BCAR3: variants seen among roughly 807,000 people sequenced by gnomAD.
BCAR3 encodes BCAR3 adaptor protein, NSP family member.
Under a neutral mutation model 80.1 loss-of-function variants are expected in BCAR3, and 37 were observed. The observed-to-expected ratio is 0.46, with a 90% CI of 0.36 to 0.61. The LOEUF is 0.61. Among genes scored for constraint, BCAR3 ranks in the 20% least tolerant of loss-of-function variants. The pLI is 0.00. For missense variants in BCAR3, 978 were observed against 1,068.2 expected (o/e 0.92, Z 1.18); for synonymous variants, 389 against 418.9 (o/e 0.93, Z 0.87).
chr1:93,843,168 T>C (rs1655023335), intron 2 of BCAR3, among the ~76,000 whole-genome samples: 2 of 152,142 alleles, frequency 1.3e-5, no homozygotes, highest in South Asian at 4.1e-4. Context: ...CTAAGAACTG[T>C]GAGGAATTGA....
intron 2 of BCAR3, among the ~76,000 whole-genome samples, chr1:93,659,943 C>T (rs1359443114): frequency 1.3e-5 from 2 of 152,104 alleles, no homozygotes; most frequent in African/African-American, 2.4e-5. Context: ...TGTGTATTCC[C>T]GTCTATGTCC....
At chr1:93,709,319 C>T (rs1330801885) in intron 2 of BCAR3, among the ~76,000 whole-genome samples, 1 of 152,224 alleles carries the variant, frequency 6.6e-6, no homozygotes, top group Non-Finnish European at 1.5e-5. Context: ...ACAGCTGCAT[C>T]TCTTCTTCTT....
chr1:93,655,674 G>A (rs1647351010), intron 2 of BCAR3, among the ~76,000 whole-genome samples: 1 of 152,144 alleles, frequency 6.6e-6, no homozygotes, highest in Non-Finnish European at 1.5e-5. Flanking sequence ...TACTTCTGTG[G>A]CTATCAGTGC....
intron 3 of BCAR3, among the ~76,000 whole-genome samples, chr1:93,612,519 A>C (rs144256828): frequency 1.8e-3 from 277 of 152,268 alleles, no homozygotes; most frequent in African/African-American, 5.6e-3. Context: ...TGACTCCCTC[A>C]TACACCCAAT....
At chr1:93,812,514 A>G (rs11165006) in intron 2 of BCAR3, among the ~76,000 whole-genome samples, 21,507 of 152,174 alleles carry the variant, frequency 0.14, 2,477 homozygotes, top group African/African-American at 0.31. Context: ...TTTCCCTGGG[A>G]AACCCAAATG....
At chr1:93,648,007 C>G (rs1676199299) in intron 2 of BCAR3, among the ~76,000 whole-genome samples, 1 of 152,124 alleles carries the variant, frequency 6.6e-6, no homozygotes, top group Non-Finnish European at 1.5e-5. Context: ...CTCCTGACCT[C>G]AACTGATCCG....
At chr1:93,649,079 G>A (rs768190687) in intron 2 of BCAR3, among the ~76,000 whole-genome samples, 3 of 152,218 alleles carry the variant, frequency 2.0e-5, no homozygotes, top group Non-Finnish European at 2.9e-5. Context: ...TAGTAACTAG[G>A]ATAAGAAGAC....
intron 8 of BCAR3, among the ~76,000 whole-genome samples, chr1:93,573,273 T>C (rs1220509520): frequency 6.6e-6 from 1 of 152,082 alleles, no homozygotes; most frequent in African/African-American, 2.4e-5. Context: ...GGCACATGCC[T>C]GTAGTCCCAG....
At chr1:93,679,897 G>C (rs892225271) in intron 1 of BCAR3, among the ~76,000 whole-genome samples, 4 of 152,162 alleles carry the variant, frequency 2.6e-5, no homozygotes, top group African/African-American at 9.7e-5. Context: ...TATCTGATGT[G>C]AGCTTTAAGA....
chr1:93,704,338 T>A (rs1208399742), intron 3 of BCAR3, among the ~76,000 whole-genome samples: 1 of 102,010 alleles, frequency 9.8e-6, no homozygotes. Context: ...GAGGTGGGGG[T>A]GGGGAAAGTA....
chr1:93,651,890 G>C (rs1325450697), intron 2 of BCAR3, among the ~76,000 whole-genome samples: 2 of 152,172 alleles, frequency 1.3e-5, no homozygotes, highest in Non-Finnish European at 2.9e-5. Flanking sequence ...GATCTCATCA[G>C]GCCTGTGGAA....
chr1:93,668,154 T>C (rs1426659234), intron 2 of BCAR3, among the ~76,000 whole-genome samples: 1 of 152,116 alleles, frequency 6.6e-6, no homozygotes, highest in African/African-American at 2.4e-5. Flanking sequence ...GAGGGGGCAG[T>C]CCAGAGGAGA....
upstream of BCAR3, chr1:93,847,556 C>G (rs1015081994): frequency 2.0e-5 from 3 of 152,378 alleles, no homozygotes; most frequent in African/African-American, 4.8e-5. Flanking sequence ...AGCAGATGCG[C>G]TGAGACTCCA....
intron 5 of BCAR3, among the ~76,000 whole-genome samples, chr1:93,585,770 G>A (rs893703936): frequency 6.6e-6 from 1 of 152,032 alleles, no homozygotes; most frequent in Non-Finnish European, 1.5e-5. Flanking sequence ...ACAGGCTCTC[G>A]CTCTGTTGCC....
intron 2 of BCAR3, among the ~76,000 whole-genome samples, chr1:93,743,532 CA>C (rs1424829939): frequency 6.6e-6 from 1 of 152,130 alleles, no homozygotes; most frequent in African/African-American, 2.4e-5. Context: ...TTAAACTTAC[CA>C]AATATTCCCT....
At chr1:93,813,654 C>T (rs140817029) in intron 2 of BCAR3, among the ~76,000 whole-genome samples, 1,791 of 152,250 alleles carry the variant, frequency 0.012, 21 homozygotes, top group Non-Finnish European at 0.017. Context: ...AAACATTGTA[C>T]CCCTTTACCC....
chr1:93,664,024 T>C lies in BCAR3; in HGVS notation c.317+10590A>G, dbSNP rs1277560553. Among the ~76,000 whole-genome samples, 3 of 152,338 alleles carry C rather than the reference T, an allele frequency of 2.0e-5. No homozygotes were observed. The South Asian group carries it at 6.2e-4, about 32-fold the overall frequency. On this transcript the variant is annotated intron_variant, in intron 2 of 11. Transcript: ENST00000260502. ...TTTTCTTACAGTCTAGGGTAGACTA[T>C]AGACAAGAACACATTTCCCTCCCTG...
intron 4 of BCAR3, among the ~76,000 whole-genome samples, chr1:93,591,732 G>T (rs1209351860): frequency 1.3e-5 from 2 of 152,196 alleles, no homozygotes; most frequent in African/African-American, 2.4e-5. Context: ...GTGGTCATGG[G>T]TTTAATTCCC....
intron 2 of BCAR3, among the ~76,000 whole-genome samples, chr1:93,789,587 C>T (rs1571129475): frequency 6.6e-6 from 1 of 152,228 alleles, no homozygotes; most frequent in Non-Finnish European, 1.5e-5. Flanking sequence ...GGTGGGAAGA[C>T]CAAATAATAA....
Sources: allele counts gnomAD v4.1 joint callset (sites outside exome capture counted in the v4.1 genomes callset), GRCh38; gene constraint gnomAD v4.1.1; transcripts MANE v1.5; gene names NCBI Gene and HGNC (gene_info 2026-07-23, HGNC 2026-07-21).